TENM3: variants seen among roughly 807,000 people sequenced by gnomAD.
The protein encoded by TENM3 is teneurin transmembrane protein 3.
Under a neutral mutation model 255.1 loss-of-function variants are expected in TENM3, and 63 were observed. That is an observed-to-expected ratio of 0.25 (90% confidence interval 0.20 to 0.30). The LOEUF (loss-of-function observed/expected upper bound fraction) is 0.30. TENM3 is among the 10% of genes least tolerant of loss of function. TENM3 has a pLI of 1.00. For synonymous variants in TENM3, 1,306 were observed against 1,322.3 expected (o/e 0.99, Z 0.27); for missense variants, 2,929 against 3,461.1 (o/e 0.85, Z 3.86).
In TENM3 at chr4:182,754,637, A is replaced by G; in HGVS notation, c.4270A>G (p.Lys1424Glu). The change falls in exon 22 of 28, where the codon AAG becomes GAG. Residue 1424 changes from lysine to glutamate, a missense_variant. Lys to Glu is a moderately conservative substitution (Grantham distance 56, BLOSUM62 1). This residue lies in a region of TENM3 where 1,608 missense variants were observed against 1,884.4 expected (regional missense o/e 0.85). Transcript: ENST00000511685. This position sits in a 1 kb window ranked among gnomAD's most constrained non-coding sequence, Gnocchi z 5.1. Reference sequence around the variant, plus strand: ...CCTGTACATTACTGAAACTGATGAGAAGAAAATTAACCGGATAAGGCAGGT... The same window carrying G: ...CCTGTACATTACTGAAACTGATGAGGAGAAAATTAACCGGATAAGGCAGGT... ...GVLYITETDEKKINRIRQVTT... is the reference protein window; with the variant it reads ...GVLYITETDEEKINRIRQVTT... 6.2e-7 allele frequency: 1 copy of G among 1,614,014 alleles called. No homozygotes were observed. The highest frequency in any genetic ancestry group is 2.2e-5 in the East Asian group (1 of 44,882).
chr4:181,591,212 G>C, the TENM3 span, among the ~76,000 whole-genome samples: 2 of 152,102 alleles, frequency 1.3e-5, no homozygotes, highest in Admixed American at 1.3e-4. Flanking sequence ...AAAATTTAAA[G>C]ACTCACCATA....
chr4:181,466,274 C>T, the TENM3 span, among the ~76,000 whole-genome samples: 30,503 of 151,968 alleles, frequency 0.2, 3,258 homozygotes, highest in Middle Eastern at 0.25. Context: ...TGCAACACCA[C>T]ACCCAGTTAA....
the TENM3 span, among the ~76,000 whole-genome samples, chr4:181,793,838 A>G: frequency 6.6e-6 from 1 of 152,194 alleles, no homozygotes; most frequent in Non-Finnish European, 1.5e-5. Context: ...TGCCTCTTTC[A>G]ATTGGAATGC....
chr4:181,792,702 TCA>T, the TENM3 span, among the ~76,000 whole-genome samples: 1 of 152,178 alleles, frequency 6.6e-6, no homozygotes, highest in African/African-American at 2.4e-5. Context: ...TGTTTCTCCC[TCA>T]CAGTTTTTTT....
the TENM3 span, among the ~76,000 whole-genome samples, chr4:182,006,542 A>G: frequency 3.6e-4 from 54 of 152,072 alleles, no homozygotes; most frequent in African/African-American, 1.1e-3. Context: ...CTCTGATGGT[A>G]GTTTGTATTT....
At chr4:182,278,950 G>C (rs1190990177) in intron 1 of TENM3, among the ~76,000 whole-genome samples, 1 of 152,220 alleles carries the variant, frequency 6.6e-6, no homozygotes, top group East Asian at 1.9e-4. Context: ...GGACAAGCCC[G>C]AGGGCTGCCA....
chr4:181,861,001 A>G, the TENM3 span, among the ~76,000 whole-genome samples: 1 of 152,212 alleles, frequency 6.6e-6, no homozygotes, highest in Admixed American at 6.5e-5. Context: ...ATCGAAAAAA[A>G]TGTAATTTTG....
intron 11 of TENM3, among the ~76,000 whole-genome samples, chr4:182,684,360 C>G: frequency 7.2e-6 from 1 of 138,898 alleles, no homozygotes; most frequent in South Asian, 2.2e-4. Flanking sequence ...CTTCTCTAAG[C>G]CTGTTTAACA....
chr4:181,529,302 T>C, the TENM3 span, among the ~76,000 whole-genome samples: 1 of 152,170 alleles, frequency 6.6e-6, no homozygotes, highest in Non-Finnish European at 1.5e-5. Flanking sequence ...TGCCTTCCCA[T>C]CTGTTTAGAT....
chr4:182,669,459 A>G (rs1201844064), intron 6 of TENM3, among the ~76,000 whole-genome samples: 1 of 151,956 alleles, frequency 6.6e-6, no homozygotes, highest in Non-Finnish European at 1.5e-5. Context: ...CTTAGTAGAG[A>G]CGGGGTTTCA....
At chr4:182,632,600 T>C (rs1449266982) in intron 5 of TENM3, among the ~76,000 whole-genome samples, 1 of 152,190 alleles carries the variant, frequency 6.6e-6, no homozygotes, top group Non-Finnish European at 1.5e-5. Context: ...GCTATTCTCT[T>C]TTCTTTTTGA....
At chr4:182,166,343 A>G (rs533989244) in intron 1 of TENM3, among the ~76,000 whole-genome samples, 1 of 152,298 alleles carries the variant, frequency 6.6e-6, no homozygotes, top group Admixed American at 6.5e-5. Context: ...AGGGAAGAGC[A>G]GGGAGGAAAA....
At chr4:182,076,909 C>A in the TENM3 span, among the ~76,000 whole-genome samples, 3 of 152,110 alleles carry the variant, frequency 2.0e-5, no homozygotes, top group African/African-American at 7.2e-5. Flanking sequence ...AGTTTGCCAA[C>A]CTCTTGCCCT....
chr4:181,758,522 C>T, the TENM3 span, among the ~76,000 whole-genome samples: 1 of 152,134 alleles, frequency 6.6e-6, no homozygotes, highest in African/African-American at 2.4e-5. Context: ...TTGGAAGGAC[C>T]AAAATGTTTG....
At chr4:181,584,947 A>G in the TENM3 span, among the ~76,000 whole-genome samples, 1 of 150,036 alleles carries the variant, frequency 6.7e-6, no homozygotes, top group African/African-American at 2.4e-5. Context: ...GCTAAGGAGG[A>G]TGAATGTCCA....
intron 2 of TENM3, among the ~76,000 whole-genome samples, chr4:182,331,612 T>C (rs796537006): frequency 1.9e-4 from 29 of 152,326 alleles, no homozygotes; most frequent in African/African-American, 6.3e-4. Flanking sequence ...ATAAAAGTTA[T>C]TGGTATTTTT....
chr4:182,661,381 TACTAGACA>T (rs1754215702), intron 6 of TENM3, among the ~76,000 whole-genome samples: 1 of 151,948 alleles, frequency 6.6e-6, no homozygotes, highest in Non-Finnish European at 1.5e-5. Context: ...CTTTCTCAAG[TACTAGACA>T]ACTCTAGAGA....
intron 3 of TENM3, among the ~76,000 whole-genome samples, chr4:182,395,196 T>C (rs1768722628): frequency 1.3e-5 from 2 of 152,206 alleles, no homozygotes; most frequent in Non-Finnish European, 2.9e-5. Flanking sequence ...ATGACACTTC[T>C]GAAACAAATG....
chr4:182,763,037 T>C lies in TENM3; in HGVS notation c.4892+7778T>C, dbSNP rs1353399818. ...AGAAAATATTGATGTAAAGAAATAC[T>C]CCTTTGTAGCGCTCTCTAAAAACTA... On this transcript the variant is annotated intron_variant, in intron 22 of 27. Transcript: ENST00000511685. 2.0e-5 allele frequency among the ~76,000 whole-genome samples: 3 copies of C among 152,226 alleles called. No individual in the cohort carries two copies. The East Asian group carries it at 5.8e-4, about 29-fold the overall frequency.
Sources: allele counts gnomAD v4.1 joint callset (sites outside exome capture counted in the v4.1 genomes callset), GRCh38; gene constraint gnomAD v4.1.1; regional missense constraint gnomAD v4.1.1; non-coding constraint Gnocchi (gnomAD v3.1); transcripts MANE v1.5; gene names NCBI Gene and HGNC (gene_info 2026-07-23, HGNC 2026-07-21).